TRPC7: variants seen among roughly 807,000 people sequenced by gnomAD.
The protein encoded by TRPC7 is transient receptor potential cation channel subfamily C member 7.
A neutral mutation model predicts 90.1 loss-of-function variants in TRPC7; 42 were observed. The observed-to-expected ratio is 0.47, with a 90% CI of 0.36 to 0.60. TRPC7 has a LOEUF of 0.60. Ranked by LOEUF, TRPC7 falls within the 20% of genes least tolerant of loss-of-function variation. The pLI is 0.00. For missense variants in TRPC7, 955 were observed against 1,112.3 expected, an observed-to-expected ratio of 0.86 and a Z score of 2.01; for synonymous variants, 451 against 436.3, an observed-to-expected ratio of 1.03 and a Z score of -0.42.
At chr5:136,238,711 A>G (rs899328836) in intron 7 of TRPC7, among the ~76,000 whole-genome samples, 2 of 152,186 alleles carry the variant, frequency 1.3e-5, no homozygotes, top group East Asian at 3.8e-4. Context: ...CCTCAGGAGC[A>G]CATTTTCTGT....
intron 2 of TRPC7, among the ~76,000 whole-genome samples, chr5:136,352,213 C>T (rs1054709020): frequency 3.0e-4 from 46 of 152,276 alleles, no homozygotes; most frequent in African/African-American, 1.0e-3. Flanking sequence ...CCCCATACTG[C>T]TTTCTCTTTC....
intron 2 of TRPC7, among the ~76,000 whole-genome samples, chr5:136,353,887 T>C (rs1760277525): frequency 6.6e-6 from 1 of 152,226 alleles, no homozygotes; most frequent in Non-Finnish European, 1.5e-5. Flanking sequence ...TCATAGTAGA[T>C]GCTTTCAAAC....
intron 5 of TRPC7, among the ~76,000 whole-genome samples, chr5:136,261,067 G>T (rs909288760): frequency 1.3e-5 from 2 of 152,080 alleles, no homozygotes; most frequent in Non-Finnish European, 2.9e-5. Flanking sequence ...CATCAGCAGG[G>T]GCCTGATGCT....
intron 2 of TRPC7, among the ~76,000 whole-genome samples, chr5:136,347,996 C>T (rs183115886): frequency 6.6e-6 from 1 of 152,348 alleles, no homozygotes; most frequent in Non-Finnish European, 1.5e-5. Flanking sequence ...GGTGGAGATG[C>T]ACTAGTCCTT....
chr5:136,338,077 T>A (rs1358819830), intron 2 of TRPC7, among the ~76,000 whole-genome samples: 1 of 152,086 alleles, frequency 6.6e-6, no homozygotes, highest in East Asian at 1.9e-4. Flanking sequence ...CAGCGATACT[T>A]AGCATTTCAA....
At chr5:136,357,913 C>T (rs1477244207) in intron 1 of TRPC7, among the ~76,000 whole-genome samples, 1 of 152,096 alleles carries the variant, frequency 6.6e-6, no homozygotes, top group Admixed American at 6.5e-5. Context: ...CTTTTTATGC[C>T]CAGCTCTCCA....
intron 6 of TRPC7, among the ~76,000 whole-genome samples, chr5:136,249,199 G>A (rs114729349): frequency 0.011 from 1,639 of 152,246 alleles, 33 homozygotes; most frequent in African/African-American, 0.038. Context: ...ATAGCAATTC[G>A]TGGCATTCCA....
chr5:136,293,620 A>G (rs1484241963), intron 3 of TRPC7, among the ~76,000 whole-genome samples: 2 of 152,312 alleles, frequency 1.3e-5, no homozygotes, highest in East Asian at 3.9e-4. Context: ...ACTACAAACC[A>G]CTGCTCAATG....
intron 10 of TRPC7, among the ~76,000 whole-genome samples, chr5:136,220,381 C>T (rs1755413655): frequency 6.6e-6 from 1 of 152,018 alleles, no homozygotes; most frequent in South Asian, 2.1e-4. Context: ...TAATTAAGAC[C>T]CTGGGAAAGG....
chr5:136,245,139 A>G (rs1756297056), intron 7 of TRPC7, among the ~76,000 whole-genome samples: 1 of 152,214 alleles, frequency 6.6e-6, no homozygotes, highest in South Asian at 2.1e-4. Flanking sequence ...CACTTGCCCA[A>G]GGCCACAAAG....
At chr5:136,216,697 T>C (rs1335977004) in intron 10 of TRPC7, among the ~76,000 whole-genome samples, 1 of 152,228 alleles carries the variant, frequency 6.6e-6, no homozygotes, top group Admixed American at 6.5e-5. Context: ...CAGGCCTGCC[T>C]GGGTGGAGCT....
intron 1 of TRPC7, among the ~76,000 whole-genome samples, chr5:136,362,627 C>T (rs1467062883): frequency 1.3e-5 from 2 of 152,152 alleles, no homozygotes; most frequent in Non-Finnish European, 2.9e-5. Context: ...TAATTAACCA[C>T]TTTTCCGAAG....
chr5:136,315,191 C>G (rs1382902745), intron 3 of TRPC7, among the ~76,000 whole-genome samples: 1 of 152,218 alleles, frequency 6.6e-6, no homozygotes, highest in Non-Finnish European at 1.5e-5. Context: ...AGTCCTCAGG[C>G]ACACAGAGGA....
chr5:136,232,761 T>C (rs537664023), intron 7 of TRPC7, among the ~76,000 whole-genome samples: 1 of 152,292 alleles, frequency 6.6e-6, no homozygotes, highest in South Asian at 2.1e-4. Flanking sequence ...TGGATTTTGG[T>C]TGGGAGGTTT....
At chr5:136,308,756 CT>C (rs1177189848) in intron 3 of TRPC7, among the ~76,000 whole-genome samples, 1 of 152,186 alleles carries the variant, frequency 6.6e-6, no homozygotes, top group Non-Finnish European at 1.5e-5. Context: ...CCAGAAGGCC[CT>C]TTAGGATTGG....
intron 2 of TRPC7, chr5:136,315,997 T>A: frequency 1.8e-6 from 1 of 567,598 alleles, no homozygotes; most frequent in South Asian, 2.3e-5. Context: ...TCAGCATGTG[T>A]GAAGGTGTGG....
At chr5:136,363,712 T>A (rs554421617) in intron 1 of TRPC7, among the ~76,000 whole-genome samples, 1 of 152,302 alleles carries the variant, frequency 6.6e-6, no homozygotes, top group South Asian at 2.1e-4. Context: ...CTATTAGTAA[T>A]TTATTTTCTA....
Position 136,318,672 on chromosome 5 carries a change from A to G in TRPC7, c.781-2893T>C, listed in dbSNP as rs191985600. Among the ~76,000 whole-genome samples, 262 of 152,146 alleles carry G rather than the reference A, an allele frequency of 1.7e-3. 1 individual carries two copies. Among genetic ancestry groups the G allele is most frequent in the African/African-American group, 6.1e-3 (253 of 41,512 alleles). Reference sequence around the variant, plus strand: ...ATTCCCAACTCAAACTCAGCCATTGACTCTCTTAGTTATTCCAATAACTGC... The same window carrying G: ...ATTCCCAACTCAAACTCAGCCATTGGCTCTCTTAGTTATTCCAATAACTGC... On this transcript the variant is annotated intron_variant, in intron 2 of 11. Transcript: ENST00000513104.
At chr5:136,250,192 G>T (rs934786703) in intron 6 of TRPC7, among the ~76,000 whole-genome samples, 2 of 152,152 alleles carry the variant, frequency 1.3e-5, no homozygotes, top group African/African-American at 2.4e-5. Flanking sequence ...TGGGTGGGTG[G>T]ATGACTTGTA....
Sources: gnomAD v4.1 joint callset for allele counts (sites outside exome capture counted in the v4.1 genomes callset) on GRCh38, gnomAD v4.1.1 for gene constraint, MANE v1.5 for transcripts, NCBI Gene and HGNC (gene_info 2026-07-23, HGNC 2026-07-21) for gene names.